ARL13B: variants seen among roughly 807,000 people sequenced by gnomAD.
ARL13B encodes ARF like GTPase 13B, also known as ADP-ribosylation factor-like protein 13B.
A neutral mutation model predicts 56.1 loss-of-function variants in ARL13B; 36 were observed. The ratio of observed to expected loss-of-function variants is 0.64; its 90% CI spans 0.49 to 0.85. ARL13B has a LOEUF of 0.85. Ranked by LOEUF, ARL13B falls within the 40% of genes least tolerant of loss-of-function variation. The probability of loss-of-function intolerance (pLI) is 0.00; values close to 1 mark genes in which losing one functional copy is unlikely to be tolerated. For synonymous variants in ARL13B, 178 were observed against 171.1 expected, an observed-to-expected ratio of 1.04 and a Z score of -0.32; for missense variants, 519 against 507.1, an observed-to-expected ratio of 1.02 and a Z score of -0.23.
intron 3 of ARL13B, among the ~76,000 whole-genome samples, chr3:94,018,890 C>T (rs1446677206): frequency 2.6e-5 from 4 of 152,036 alleles, no homozygotes; most frequent in African/African-American, 9.7e-5. Context: ...CTCAGCCTCC[C>T]GAGTGGCTGG....
intron 3 of ARL13B, among the ~76,000 whole-genome samples, chr3:94,029,764 A>G (rs976110297): frequency 6.6e-6 from 1 of 152,170 alleles, no homozygotes; most frequent in African/African-American, 2.4e-5. Context: ...AAAACACTGG[A>G]AACACAAAAG....
In ARL13B at chr3:94,022,272, C is replaced by T. The variant is rs527280502; in HGVS notation, c.381-13059C>T. On this transcript the variant is annotated intron_variant, in intron 3 of 9. Coordinates refer to ENST00000394222, the MANE Select transcript of ARL13B (RefSeq NM_001174150.2). ...TCCTGAGTAGCTGGAATTACAGGCG[C>T]CTGCCACCACGCACAGCTAATTTTT... Among the ~76,000 whole-genome samples the T allele has an allele frequency of 3.3e-5, 5 of 151,854 alleles. No homozygotes were observed. The South Asian group carries it at 8.3e-4, about 25-fold the overall frequency.
intron 3 of ARL13B, among the ~76,000 whole-genome samples, chr3:94,026,616 C>G (rs1021590004): frequency 1.1e-4 from 16 of 152,056 alleles, no homozygotes; most frequent in African/African-American, 3.9e-4. Flanking sequence ...TTAAAACATG[C>G]AAGGACAGGA....
intron 3 of ARL13B, among the ~76,000 whole-genome samples, chr3:94,031,879 A>G (rs997991964): frequency 5.9e-5 from 9 of 152,224 alleles, no homozygotes; most frequent in African/African-American, 2.2e-4. Context: ...TGCCATATGC[A>G]GAAGAATGAA....
rs139600298 is a variant in ARL13B, at chr3:94,040,099, G to A, written c.798+111G>A. On this transcript the variant is annotated intron_variant, in intron 6 of 9. Coordinates refer to ENST00000394222, the MANE Select transcript of ARL13B (RefSeq NM_001174150.2). ...AGGGAAACAGATGTGTTTCTTCTGA[G>A]AGATTATTTCTATAAGAAATTAAAC... is the stretch of plus-strand genomic sequence containing the variant. 1,377 of 892,576 alleles carry A rather than the reference G, an allele frequency of 1.5e-3. 2 individuals carry two copies. Among genetic ancestry groups the A allele is most frequent in the Non-Finnish European group, 2.0e-3 (1,119 of 559,320 alleles). The allele number at this position is 892,576 out of a possible 1,614,324, so 55.3% of individuals were successfully genotyped here. A position where few individuals can be genotyped will look rare whatever the true frequency, so the allele number is the denominator to read the frequency against.
chr3:94,020,083 C>T (rs1187748806), intron 3 of ARL13B, among the ~76,000 whole-genome samples: 1 of 152,176 alleles, frequency 6.6e-6, no homozygotes, highest in Non-Finnish European at 1.5e-5. Context: ...TGTCTACTTT[C>T]TCCTCCCAGT....
At chr3:94,032,398 A>G (rs2076691298) in intron 3 of ARL13B, among the ~76,000 whole-genome samples, 1 of 152,286 alleles carries the variant, frequency 6.6e-6, no homozygotes, top group Non-Finnish European at 1.5e-5. Context: ...AAAAGTTAAA[A>G]CATAGCAGAT....
chr3:94,018,097 T>A (rs552079364), intron 3 of ARL13B, among the ~76,000 whole-genome samples: 3 of 152,316 alleles, frequency 2.0e-5, no homozygotes, highest in African/African-American at 7.2e-5. Context: ...GGGGTGTCCC[T>A]ATGTTGTCCA....
intron 7 of ARL13B, among the ~76,000 whole-genome samples, chr3:94,044,779 G>C (rs1282461157): frequency 1.3e-5 from 2 of 148,332 alleles, no homozygotes; most frequent in African/African-American, 5.0e-5. Context: ...CGAATGGGAA[G>C]TGAGGAGCGC....
chr3:94,019,046 G>A (rs982556193), intron 3 of ARL13B, among the ~76,000 whole-genome samples: 2 of 151,518 alleles, frequency 1.3e-5, no homozygotes, highest in Non-Finnish European at 2.9e-5. Context: ...GATTACAGCT[G>A]TGAGCCACCG....
At chr3:94,028,822 A>G (rs1399505025) in intron 3 of ARL13B, among the ~76,000 whole-genome samples, 1 of 152,170 alleles carries the variant, frequency 6.6e-6, no homozygotes, top group East Asian at 1.9e-4. Flanking sequence ...TTTCTTTTCT[A>G]TAGATATCAA....
intron 3 of ARL13B, among the ~76,000 whole-genome samples, chr3:94,012,910 A>G (rs2076249845): frequency 6.6e-6 from 1 of 152,206 alleles, no homozygotes; most frequent in Non-Finnish European, 1.5e-5. Context: ...AGTGTAAATT[A>G]TATAATATTA....
At chr3:94,012,376 G>A (rs746864402) in intron 3 of ARL13B, among the ~76,000 whole-genome samples, 6 of 152,082 alleles carry the variant, frequency 3.9e-5, no homozygotes, top group South Asian at 2.1e-4. Context: ...TGAAACCTTC[G>A]TCTCTGACTT....
chr3:94,013,256 T>A (rs967665315), intron 3 of ARL13B, among the ~76,000 whole-genome samples: 1 of 152,226 alleles, frequency 6.6e-6, no homozygotes, highest in Non-Finnish European at 1.5e-5. Context: ...CTTGACAGTC[T>A]CTGTCTCATT....
At chr3:94,047,639 G>A (rs2077003148) in intron 7 of ARL13B, among the ~76,000 whole-genome samples, 1 of 152,134 alleles carries the variant, frequency 6.6e-6, no homozygotes. Context: ...GACTTGAAGA[G>A]GTTGAGTAAC....
intron 4 of ARL13B, among the ~76,000 whole-genome samples, chr3:94,035,686 A>G (rs2076756121): frequency 6.6e-6 from 1 of 152,224 alleles, no homozygotes; most frequent in Admixed American, 6.5e-5. Flanking sequence ...GCGTTTTAAC[A>G]TAGCCAACAC....
chr3:94,009,836 T>G (rs1024479075), intron 3 of ARL13B, among the ~76,000 whole-genome samples: 3 of 152,138 alleles, frequency 2.0e-5, no homozygotes, highest in Non-Finnish European at 2.9e-5. Flanking sequence ...CAGCTGTAAT[T>G]TACAGTAAAG....
Position 94,014,688 on chromosome 3 carries a change from A to G in ARL13B, c.380+10780A>G, listed in dbSNP as rs747667588. ...TGATTTCTGTAAGTAAGCTTTCATT[A>G]AAAACTTCCCATTTTCCTTGATGAA... On this transcript the variant is annotated intron_variant, in intron 3 of 9. Coordinates refer to ENST00000394222, the MANE Select transcript of ARL13B (RefSeq NM_001174150.2). The G allele has an allele frequency of 1.7e-5, 28 of 1,613,316 alleles. No individual in the cohort carries two copies. The South Asian group carries it at 2.9e-4, about 16-fold the overall frequency.
At chr3:93,981,973 A>G (rs962274528) in intron 1 of ARL13B, among the ~76,000 whole-genome samples, 9 of 151,854 alleles carry the variant, frequency 5.9e-5, no homozygotes, top group African/African-American at 2.2e-4. Context: ...CACAGTATCT[A>G]CTAAGACTTG....
Sources: allele counts gnomAD v4.1 joint callset (sites outside exome capture counted in the v4.1 genomes callset), GRCh38; gene constraint gnomAD v4.1.1; transcripts MANE v1.5; gene names NCBI Gene and HGNC (gene_info 2026-07-23, HGNC 2026-07-21).